SLK: variants seen among roughly 807,000 people sequenced by gnomAD.
SLK encodes STE20-like serine/threonine-protein kinase.
SLK carries 67 observed loss-of-function variants against 147.7 expected under a neutral mutation model. That is an observed-to-expected ratio of 0.45 (90% CI 0.37 to 0.56). The LOEUF (loss-of-function observed/expected upper bound fraction) is 0.56, where lower values mean the gene tolerates loss of function less well. Ranked by LOEUF, SLK falls within the 20% of genes least tolerant of loss-of-function variation. The pLI is 0.00. For synonymous variants in SLK, 441 were observed against 475.0 expected (o/e 0.93, Z 0.93); for missense variants, 1,136 against 1,438.8 (o/e 0.79, Z 3.41).
At chr10:103,999,343 G>T (rs775921414) in intron 6 of SLK, 30 bp downstream of exon 6, 77 of 1,485,108 alleles carry the variant, frequency 5.2e-5, no homozygotes, top group Middle Eastern at 1.8e-4. Flanking sequence ...AGCTTAATAA[G>T]AAACAAATGA....
intron 1 of SLK, 108 bp downstream of exon 1, chr10:103,968,003 C>T (rs1009469768): frequency 1.0e-4 from 118 of 1,178,078 alleles, no homozygotes; most frequent in Non-Finnish European, 1.4e-4. Flanking sequence ...CTTCTTTTGA[C>T]TGTTACGGTT....
chr10:104,015,256 C>G (rs1589544973), intron 13 of SLK, among the ~76,000 whole-genome samples: 1 of 152,212 alleles, frequency 6.6e-6, no homozygotes, highest in Non-Finnish European at 1.5e-5. Context: ...CTTGTATACA[C>G]TGGACTTATA....
intron 11 of SLK, 107 bp downstream of exon 11, chr10:104,006,142 G>A: frequency 8.8e-7 from 1 of 1,134,230 alleles, no homozygotes; most frequent in Non-Finnish European, 1.3e-6. Flanking sequence ...TTCTCTGATT[G>A]CCAGATTTCT....
chr10:103,988,499 A>G lies in SLK; in HGVS notation c.151-2176A>G, dbSNP rs377004986. Among the ~76,000 whole-genome samples, 42 of 152,266 alleles carry G rather than the reference A, an allele frequency of 2.8e-4. No individual in the cohort carries two copies. In the East Asian group the frequency reaches 6.4e-3, roughly 23 times the overall value. ...AAAAAATTTGCAACCTCTAGCATAA[A>G]TGGGTTAATTTCACACACAAAAATT... On this transcript the variant is annotated intron_variant, in intron 1 of 18. Transcript: ENST00000369755.
At chr10:103,998,229 T>C (rs1844200789) in intron 4 of SLK, among the ~76,000 whole-genome samples, 1 of 152,196 alleles carries the variant, frequency 6.6e-6, no homozygotes, top group Non-Finnish European at 1.5e-5. Flanking sequence ...TACTGAATTT[T>C]TGGTACTTAT....
intron 1 of SLK, among the ~76,000 whole-genome samples, chr10:103,981,189 TTTG>T (rs139103127): frequency 0.13 from 16,495 of 126,524 alleles, 1,224 homozygotes; most frequent in East Asian, 0.46. Context: ...GTGGGTTTTT[TTTG>T]TTGTTGTTGT....
intron 7 of SLK, among the ~76,000 whole-genome samples, chr10:104,000,952 G>A (rs904370929): frequency 2.0e-5 from 3 of 150,592 alleles, no homozygotes; most frequent in Admixed American, 6.6e-5. Flanking sequence ...TTAGCTACTC[G>A]GGAGGCTGAG....
chr10:103,998,819 T>G, intron 4 of SLK, 80 bp from the exon 5 acceptor site: 1 of 939,312 alleles, frequency 1.1e-6, no homozygotes, highest in Middle Eastern at 2.1e-4. Flanking sequence ...ATTAAAGACT[T>G]AAAATGCTTT....
chr10:104,014,431 A>G (rs1252408362), intron 13 of SLK, among the ~76,000 whole-genome samples: 1 of 152,204 alleles, frequency 6.6e-6, no homozygotes, highest in Non-Finnish European at 1.5e-5. Context: ...GACGTCTGAT[A>G]TATACAACAG....
intron 9 of SLK, among the ~76,000 whole-genome samples, chr10:104,004,556 T>C (rs1844299510): frequency 6.6e-6 from 1 of 152,116 alleles, no homozygotes; most frequent in South Asian, 2.1e-4. Flanking sequence ...ACCATAGTCC[T>C]GGACTTTGGA....
intron 1 of SLK, among the ~76,000 whole-genome samples, chr10:103,973,417 TTAAAA>T (rs1336281474): frequency 2.6e-5 from 4 of 152,238 alleles, no homozygotes; most frequent in African/African-American, 9.6e-5. Flanking sequence ...TAGGAAAGAA[TTAAAA>T]TAAATTTCTG....
chr10:103,985,607 T>TTTTG (rs1220877427), intron 1 of SLK, among the ~76,000 whole-genome samples: 4 of 152,172 alleles, frequency 2.6e-5, no homozygotes, highest in Admixed American at 6.5e-5. Context: ...CTTACATATT[T>TTTTG]TTTGTTTGTT....
At chr10:103,977,414 C>A (rs1843885645) in intron 1 of SLK, among the ~76,000 whole-genome samples, 1 of 152,120 alleles carries the variant, frequency 6.6e-6, no homozygotes, top group Non-Finnish European at 1.5e-5. Flanking sequence ...AATTCAAGAA[C>A]AGCCTGGGCA....
At chr10:103,973,013 T>G (rs1162677044) in intron 1 of SLK, among the ~76,000 whole-genome samples, 1 of 152,204 alleles carries the variant, frequency 6.6e-6, no homozygotes, top group African/African-American at 2.4e-5. Context: ...CTGTAGTGTC[T>G]TTTTATGAAT....
intron 10 of SLK, 44 bp from the exon 11 acceptor site, chr10:104,005,868 T>A: frequency 6.4e-7 from 1 of 1,566,518 alleles, no homozygotes; most frequent in Non-Finnish European, 8.6e-7. Context: ...TTCAGAAGTG[T>A]AATTTTTGCT....
chr10:103,971,573 C>G lies in SLK; in HGVS notation c.150+3678C>G, dbSNP rs551320093. Among the ~76,000 whole-genome samples, 293 of 152,212 alleles carry G rather than the reference C, an allele frequency of 1.9e-3. 2 individuals are homozygous for G. Among genetic ancestry groups the G allele is most frequent in the Non-Finnish European group, 3.7e-3 (251 of 68,002 alleles). ...AGGCATGAGCCACTGCCCCTCACCC[C>G]CTGCTGGATTTCTCTTGTTTTTAAC... is the stretch of plus-strand genomic sequence containing the variant. On this transcript the variant is annotated intron_variant, in intron 1 of 18. Transcript: ENST00000369755.
intron 2 of SLK, among the ~76,000 whole-genome samples, chr10:103,992,141 G>GTTTTTTCTTTTTTTTTTTTT (rs1554842832): frequency 1.1e-5 from 1 of 91,792 alleles, no homozygotes; most frequent in East Asian, 3.5e-4. Context: ...TATTTCTTCT[G>GTTTTTTCTTTTTTTTTTTTT]TTTTTTTTTT....
chr10:103,985,642 A>C (rs1023845333), intron 1 of SLK, among the ~76,000 whole-genome samples: 1 of 152,024 alleles, frequency 6.6e-6, no homozygotes, highest in Non-Finnish European at 1.5e-5. Flanking sequence ...TGATTGACTA[A>C]CACCTCTGTG....
At chr10:104,023,044 A>G (rs182891164) in intron 18 of SLK, among the ~76,000 whole-genome samples, 76 of 152,374 alleles carry the variant, frequency 5.0e-4, no homozygotes, top group African/African-American at 1.7e-3. Flanking sequence ...GCAGCCTAGC[A>G]TCTGCTTCAA....
Sources: gnomAD v4.1 joint callset for allele counts (sites outside exome capture counted in the v4.1 genomes callset) on GRCh38, gnomAD v4.1.1 for gene constraint, MANE v1.5 for transcripts, NCBI Gene and HGNC (gene_info 2026-07-23, HGNC 2026-07-21) for gene names.